Variants in GMPR observed in about 807,000 individuals in gnomAD.
The protein encoded by GMPR is guanosine monophosphate reductase.
Under a neutral mutation model 38.4 loss-of-function variants are expected in GMPR, and 31 were observed. The ratio of observed to expected loss-of-function variants is 0.81; its 90% confidence interval spans 0.61 to 1.09. GMPR has a LOEUF of 1.09. Ranked by LOEUF, GMPR falls within the 50% of genes least tolerant of loss-of-function variation. The probability of loss-of-function intolerance (pLI) is 0.00; values close to 1 mark genes in which losing one functional copy is unlikely to be tolerated. For missense variants in GMPR, 468 were observed against 453.7 expected (o/e 1.03, Z -0.29); for synonymous variants, 162 against 173.3 (o/e 0.93, Z 0.51).
chr6:16,244,173 A>G (rs1758712041), intron 1 of GMPR, among the ~76,000 whole-genome samples: 1 of 145,428 alleles, frequency 6.9e-6, no homozygotes, highest in Non-Finnish European at 1.5e-5. Flanking sequence ...ACCACATTGA[A>G]TTATTTAGGA....
Position 16,238,729 on chromosome 6 carries a change from C to A in GMPR, c.36C>A (p.Phe12Leu). 6.9e-7 allele frequency: 1 copy of A among 1,453,770 alleles called. No homozygotes were observed. Among genetic ancestry groups the A allele is most frequent in the Non-Finnish European group, 9.2e-7 (1 of 1,091,118 alleles). The allele number at this position is 1,453,770 out of a possible 1,614,324, so 90.1% of individuals were successfully genotyped here. The part of the protein sequence containing the change: ...PRIDADLKLD[F>L]KDVLLRPKRS... Reference sequence around the variant, plus strand: ...TAGATGCGGACCTCAAGCTCGACTTCAAGGATGTCCTGCTCCGACCTAAGC... The same window carrying A: ...TAGATGCGGACCTCAAGCTCGACTTAAAGGATGTCCTGCTCCGACCTAAGC... Residue 12 changes from phenylalanine (F) to leucine (L), a missense_variant, in exon 1 of 9, where the codon TTC becomes TTA. Transcript: ENST00000259727.
chr6:16,255,758 A>T lies in GMPR; in HGVS notation c.465+1023A>T, dbSNP rs1161734128. 2.6e-5 allele frequency among the ~76,000 whole-genome samples: 4 copies of T among 151,930 alleles called. No individual in the cohort carries two copies. In the East Asian group the frequency reaches 5.8e-4, roughly 22 times the overall value. On this transcript the variant is annotated intron_variant, in intron 4 of 8. Coordinates refer to ENST00000259727, the MANE Select transcript of GMPR (RefSeq NM_006877.4). ...TGATTGACCACTAGATAATTTACCT[A>T]CCCCTTCCTTTTTTGAATTTTGAAC...
chr6:16,267,350 TGA>T (rs1353281802), intron 4 of GMPR, among the ~76,000 whole-genome samples: 4 of 150,142 alleles, frequency 2.7e-5, no homozygotes, highest in Non-Finnish European at 4.4e-5. Context: ...CCGGCCTGGG[TGA>T]GAGGGAGACT....
intron 4 of GMPR, among the ~76,000 whole-genome samples, chr6:16,263,555 G>A (rs953514826): frequency 9.9e-5 from 15 of 151,820 alleles, no homozygotes; most frequent in Non-Finnish European, 1.6e-4. Flanking sequence ...CCAGAAAAGC[G>A]GGAAAGGGGT....
chr6:16,248,396 C>T (rs1758802247), intron 2 of GMPR, among the ~76,000 whole-genome samples: 1 of 150,868 alleles, frequency 6.6e-6, no homozygotes, highest in Admixed American at 6.6e-5. Flanking sequence ...AGGTGCAGAG[C>T]GTCTTCTGCA....
At chr6:16,283,569 C>T (rs560546530) in intron 6 of GMPR, among the ~76,000 whole-genome samples, 8 of 152,242 alleles carry the variant, frequency 5.3e-5, no homozygotes, top group Non-Finnish European at 8.8e-5. Context: ...ACCCTGTGAG[C>T]GGATGACGCC....
Position 16,246,322 on chromosome 6 carries a change from T to C in GMPR, c.88-520T>C, listed in dbSNP as rs77204011. ...ACAAGTGTTGATATGCAGGAACATA[T>C]GGTTGCAATGTACTTTCCACCAGCT... On this transcript the variant is annotated intron_variant, in intron 1 of 8. Coordinates refer to ENST00000259727, the MANE Select transcript of GMPR (RefSeq NM_006877.4). Among the ~76,000 whole-genome samples, 773 of 152,310 alleles carry C rather than the reference T, an allele frequency of 5.1e-3. 6 individuals carry two copies. The highest frequency in any genetic ancestry group is 0.018 in the African/African-American group (747 of 41,558).
At chr6:16,288,585 C>G (rs756165094) in intron 7 of GMPR, among the ~76,000 whole-genome samples, 1 of 152,080 alleles carries the variant, frequency 6.6e-6, no homozygotes. Context: ...TAATGAGCGC[C>G]GCCCCCTGCT....
intron 3 of GMPR, among the ~76,000 whole-genome samples, chr6:16,252,145 C>T (rs1043361227): frequency 2.0e-5 from 3 of 152,124 alleles, no homozygotes; most frequent in African/African-American, 7.2e-5. Flanking sequence ...TTCATTTTTG[C>T]CATATTGTGT....
Position 16,238,588 on chromosome 6 carries a change from C to G in GMPR, c.-106C>G. The G allele has an allele frequency of 4.1e-6, 1 of 241,868 alleles. No individual in the cohort carries two copies. The highest frequency in any genetic ancestry group is 1.3e-4 in the South Asian group (1 of 7,422). 15.0% of individuals were successfully genotyped at this position (241,868 alleles called of 1,614,324 possible). A position where few individuals can be genotyped will look rare whatever the true frequency, so the allele number is the denominator to read the frequency against. On this transcript the variant is annotated 5_prime_UTR_variant, in exon 1 of 9. Transcript: ENST00000259727. ...GACCGCGGCGTGCGCACCCGGCCCA[C>G]GCCAGCTCCCGGCCGCGGCACAGCA...
At chr6:16,290,376 T>G in intron 7 of GMPR, 86 bp from the exon 8 acceptor site, 1 of 1,222,102 alleles carries the variant, frequency 8.2e-7, no homozygotes, top group African/African-American at 1.5e-5. Flanking sequence ...GGAGGTGAAC[T>G]GGGCAAGCAC....
At chr6:16,293,498 A>G (rs773126609) in intron 8 of GMPR, among the ~76,000 whole-genome samples, 14 of 152,208 alleles carry the variant, frequency 9.2e-5, no homozygotes, top group Non-Finnish European at 1.9e-4. Flanking sequence ...CTGCCTGTTC[A>G]GCAACCAAGA....
At chr6:16,279,280 C>T (rs1318721091) in intron 6 of GMPR, among the ~76,000 whole-genome samples, 1 of 152,188 alleles carries the variant, frequency 6.6e-6, no homozygotes, top group African/African-American at 2.4e-5. Context: ...CATGCTCCCT[C>T]TCAGGGCCCC....
rs747365069 is a variant in GMPR at position 16,290,510 on chromosome 6, C to G, written c.746C>G (p.Thr249Arg). Residue 249 changes from threonine to arginine, a missense_variant, in exon 8 of 9, where the codon ACG (threonine) becomes AGG (arginine). Thr to Arg is a moderately conservative substitution (Grantham distance 71, BLOSUM62 -1). Transcript: ENST00000259727. ...VMLGGMFSGH[T>R]ECAGEVFERN... ...CTGGGAGGAATGTTTTCGGGTCATA[C>G]GGAGTGTGCTGGAGAAGTGTTTGAG... 6.2e-7 allele frequency: 1 copy of G among 1,613,808 alleles called. No individual in the cohort carries two copies. The highest frequency in any genetic ancestry group is 8.5e-7 in the Non-Finnish European group (1 of 1,179,740).
rs113260772 is a variant in GMPR, at chr6:16,247,107, A to T, written c.207+146A>T. ...TTCTCTGTCTTTCCCTTCAATCAGA[A>T]AGTGGACGGTGTCTGGACTTTGGGT... is the stretch of plus-strand genomic sequence containing the variant. On this transcript the variant is annotated intron_variant, in intron 2 of 8. Transcript: ENST00000259727. The T allele has an allele frequency of 3.2e-3, 2,298 of 715,034 alleles. 39 individuals are homozygous for T. The African/African-American group carries it at 0.037, about 12-fold the overall frequency. 44.3% of individuals were successfully genotyped at this position (715,034 alleles called of 1,614,324 possible). A position where few individuals can be genotyped will look rare whatever the true frequency, so the allele number is the denominator to read the frequency against.
chr6:16,286,940 G>A (rs1449136040), intron 7 of GMPR, among the ~76,000 whole-genome samples: 1 of 152,046 alleles, frequency 6.6e-6, no homozygotes, highest in Non-Finnish European at 1.5e-5. Context: ...AAAATAAATG[G>A]TCAGACAACA....
chr6:16,253,935 G>A (rs1193360444), intron 3 of GMPR, among the ~76,000 whole-genome samples: 3 of 151,542 alleles, frequency 2.0e-5, no homozygotes, highest in African/African-American at 4.8e-5. Context: ...TTTTAGTGGC[G>A]GGGTGGGGTT....
intron 8 of GMPR, 30 bp from the exon 9 acceptor site, chr6:16,294,976 G>C (rs1379264464): frequency 6.3e-7 from 1 of 1,578,898 alleles, no homozygotes. Context: ...CGGGAAACTA[G>C]ATAAAAAGAA....
chr6:16,260,942 C>T (rs1344870671), intron 4 of GMPR, among the ~76,000 whole-genome samples: 1 of 151,798 alleles, frequency 6.6e-6, no homozygotes, highest in Non-Finnish European at 1.5e-5. Flanking sequence ...GCTGAAGGAG[C>T]CGGGGAGCAG....
Sources: gnomAD v4.1 joint callset for allele counts (sites outside exome capture counted in the v4.1 genomes callset) on GRCh38, gnomAD v4.1.1 for gene constraint, MANE v1.5 for transcripts, NCBI Gene and HGNC (gene_info 2026-07-23, HGNC 2026-07-21) for gene names.